AMPH: variants seen among roughly 807,000 people sequenced by gnomAD.
The protein encoded by AMPH is amphiphysin.
Under a neutral mutation model 99.1 loss-of-function variants are expected in AMPH, and 49 were observed. That is an observed-to-expected ratio of 0.49 (90% confidence interval 0.39 to 0.63). The LOEUF (loss-of-function observed/expected upper bound fraction) is 0.63. Among genes scored for constraint, AMPH ranks in the 20% least tolerant of loss-of-function variants. The pLI is 0.00. For synonymous variants in AMPH, 314 were observed against 317.3 expected (o/e 0.99, Z 0.11); for missense variants, 759 against 863.4 (o/e 0.88, Z 1.52).
chr7:38,612,372 G>A (rs1036959407), intron 1 of AMPH, among the ~76,000 whole-genome samples: 6 of 152,058 alleles, frequency 3.9e-5, no homozygotes, highest in South Asian at 4.2e-4. Flanking sequence ...CACCGCACCC[G>A]GCCTGTTTTT....
chr7:38,604,923 G>C (rs1793379739), intron 1 of AMPH, among the ~76,000 whole-genome samples: 2 of 152,050 alleles, frequency 1.3e-5, no homozygotes, highest in South Asian at 4.1e-4. Flanking sequence ...AGTCAAAGTA[G>C]ACTATCATTT....
chr7:38,605,397 C>T (rs930623843), intron 1 of AMPH, among the ~76,000 whole-genome samples: 1 of 152,068 alleles, frequency 6.6e-6, no homozygotes, highest in African/African-American at 2.4e-5. Context: ...TGCCTTTGGG[C>T]CCCTTTTTGA....
At chr7:38,525,445 C>CATGT (rs372923065) in intron 2 of AMPH, among the ~76,000 whole-genome samples, 1 of 125,420 alleles carries the variant, frequency 8.0e-6, no homozygotes, top group Non-Finnish European at 1.8e-5. Flanking sequence ...CTCATTTGTG[C>CATGT]GTGTGTGTGT....
chr7:38,494,419 A>AC lies in AMPH; in HGVS notation c.300+13dup. ...GGGTCGTGGGAGCCTCATGGAAGCCACCCCAGCTCTTACCTCACCAACCAT... is the reference window on the plus strand; with the variant it reads ...GGGTCGTGGGAGCCTCATGGAAGCCACCCCCAGCTCTTACCTCACCAACCAT... On this transcript the variant is annotated intron_variant, in intron 4 of 20. Coordinates refer to ENST00000356264, the MANE Select transcript of AMPH (RefSeq NM_001635.4). The AC allele has an allele frequency of 6.2e-7, 1 of 1,612,610 alleles. No individual in the cohort carries two copies. Among genetic ancestry groups the AC allele is most frequent in the Non-Finnish European group, 8.5e-7 (1 of 1,178,868 alleles).
intron 2 of AMPH, among the ~76,000 whole-genome samples, chr7:38,507,512 C>G (rs1167646603): frequency 2.0e-5 from 3 of 152,120 alleles, no homozygotes; most frequent in Admixed American, 6.5e-5. Flanking sequence ...TTCTCCTGTA[C>G]AAAACTTATT....
At chr7:38,578,569 C>T (rs1330539792) in intron 1 of AMPH, among the ~76,000 whole-genome samples, 1 of 152,062 alleles carries the variant, frequency 6.6e-6, no homozygotes, top group South Asian at 2.1e-4. Flanking sequence ...TGAGAACAGC[C>T]TGGGTAACAT....
At chr7:38,543,822 T>C (rs1354908831) in intron 1 of AMPH, among the ~76,000 whole-genome samples, 1 of 152,178 alleles carries the variant, frequency 6.6e-6, no homozygotes, top group Non-Finnish European at 1.5e-5. Context: ...TTCAAAAAAA[T>C]CCAGGCGATT....
At chr7:38,612,554 T>C (rs1793725313) in intron 1 of AMPH, among the ~76,000 whole-genome samples, 1 of 152,172 alleles carries the variant, frequency 6.6e-6, no homozygotes, top group African/African-American at 2.4e-5. Flanking sequence ...ATGGATAGAT[T>C]ATCCATATGA....
At chr7:38,519,540 C>G (rs1238413291) in intron 2 of AMPH, among the ~76,000 whole-genome samples, 1 of 152,144 alleles carries the variant, frequency 6.6e-6, no homozygotes, top group Non-Finnish European at 1.5e-5. Context: ...AAGAACATAA[C>G]TTGGACTTAA....
intron 13 of AMPH, 112 bp from the exon 14 acceptor site, chr7:38,429,977 G>A: frequency 2.0e-6 from 2 of 1,010,354 alleles, no homozygotes; most frequent in Non-Finnish European, 2.8e-6. Context: ...AGCTTTTACT[G>A]GTTTAGGAAC....
intron 2 of AMPH, among the ~76,000 whole-genome samples, chr7:38,505,535 G>T (rs528124960): frequency 2.7e-4 from 41 of 152,136 alleles, no homozygotes; most frequent in Non-Finnish European, 4.9e-4. Context: ...AAAACTCAAG[G>T]TTTCTATTCC....
chr7:38,598,833 G>C (rs955935186), intron 1 of AMPH, among the ~76,000 whole-genome samples: 1 of 146,908 alleles, frequency 6.8e-6, no homozygotes, highest in Non-Finnish European at 1.5e-5. Flanking sequence ...CTTGATTTCT[G>C]CTTGTAATCT....
chr7:38,505,720 G>A (rs906113706), intron 2 of AMPH, among the ~76,000 whole-genome samples: 6 of 152,034 alleles, frequency 3.9e-5, no homozygotes, highest in Non-Finnish European at 8.8e-5. Context: ...AAAAGCAGTC[G>A]ATGAAGAGGA....
intron 1 of AMPH, among the ~76,000 whole-genome samples, chr7:38,591,576 C>T (rs1792858348): frequency 6.6e-6 from 1 of 152,162 alleles, no homozygotes; most frequent in African/African-American, 2.4e-5. Flanking sequence ...CATAAGCCAC[C>T]ACGCCTGGCC....
intron 1 of AMPH, among the ~76,000 whole-genome samples, chr7:38,572,608 T>C (rs1418953435): frequency 1.3e-5 from 2 of 152,144 alleles, no homozygotes; most frequent in African/African-American, 4.8e-5. Flanking sequence ...GGTGATGTTA[T>C]TAATGAGCCC....
rs750152707 is a variant in AMPH, at chr7:38,461,386, G to A, written c.914C>T (p.Pro305Leu). 29 of 1,614,168 alleles carry A rather than the reference G, an allele frequency of 1.8e-5. No homozygotes were observed. Among genetic ancestry groups the A allele is most frequent in the East Asian group, 2.2e-5 (1 of 44,880 alleles). ...CTTTGTCGGGGTGACTTTAGGTAGA[G>A]GTGGGACAGGAGGCCCTTTCCTTGT... ...SQTRKGPPVP[P>L]LPKVTPTKEL... Residue 305 changes from proline (P) to leucine (L), a missense_variant, in exon 11 of 21, where the codon CCT becomes CTT. Coordinates refer to ENST00000356264, the MANE Select transcript of AMPH (RefSeq NM_001635.4).
intron 12 of AMPH, among the ~76,000 whole-genome samples, chr7:38,433,008 T>G (rs1180865200): frequency 6.6e-6 from 1 of 152,218 alleles, no homozygotes; most frequent in African/African-American, 2.4e-5. Context: ...TGATTGAGAA[T>G]TGCTGCTAAA....
chr7:38,444,188 A>G (rs1207329504), intron 11 of AMPH, among the ~76,000 whole-genome samples: 1 of 152,188 alleles, frequency 6.6e-6, no homozygotes, highest in African/African-American at 2.4e-5. Flanking sequence ...AAGACCATTA[A>G]TAAAGGGAGA....
intron 2 of AMPH, among the ~76,000 whole-genome samples, chr7:38,520,999 A>G (rs1584198188): frequency 6.6e-6 from 1 of 152,228 alleles, no homozygotes; most frequent in East Asian, 1.9e-4. Context: ...GCTCTGCCAA[A>G]AACTAAAAGG....
Sources: allele counts gnomAD v4.1 joint callset (sites outside exome capture counted in the v4.1 genomes callset), GRCh38; gene constraint gnomAD v4.1.1; transcripts MANE v1.5; gene names NCBI Gene and HGNC (gene_info 2026-07-23, HGNC 2026-07-21).